Variants in USP3 observed in about 807,000 individuals in gnomAD.
The protein encoded by USP3 is ubiquitin carboxyl-terminal hydrolase 3.
USP3 carries 20 observed loss-of-function variants against 72.3 expected under a neutral mutation model. The ratio of observed to expected loss-of-function variants is 0.28; its 90% CI spans 0.19 to 0.40. USP3 has a LOEUF of 0.40. Among genes scored for constraint, USP3 ranks in the 10% least tolerant of loss-of-function variants. The pLI is 1.00. For synonymous variants in USP3, 222 were observed against 225.3 expected (o/e 0.99, Z 0.13); for missense variants, 479 against 633.9 (o/e 0.76, Z 2.62).
chr15:63,569,675 C>A (rs2066749254), intron 8 of USP3, among the ~76,000 whole-genome samples: 1 of 152,166 alleles, frequency 6.6e-6, no homozygotes. Flanking sequence ...ACTTCCCAGA[C>A]CTTCCACCTG....
At chr15:63,557,859 T>C (rs538018136) in intron 5 of USP3, among the ~76,000 whole-genome samples, 1 of 152,244 alleles carries the variant, frequency 6.6e-6, no homozygotes, top group Non-Finnish European at 1.5e-5. Flanking sequence ...TTAATGGTGA[T>C]TTCCTCATAA....
rs1232006921 is a variant in USP3, at chr15:63,588,630, ATAG to A, written c.1216-66_1216-64del. ...AGCTAAAATGTTATTTACTGAACTG[ATAG>A]TAGTATCAAACTTTGACTGAAAGGT... On this transcript the variant is annotated intron_variant, in intron 12 of 14. Coordinates refer to ENST00000380324, the MANE Select transcript of USP3 (RefSeq NM_006537.4). The surrounding 1 kb of genome is among the most constrained non-coding windows in gnomAD (Gnocchi z 4.6). 87 of 1,152,980 alleles carry A rather than the reference ATAG, an allele frequency of 7.5e-5. 1 individual carries two copies. In the East Asian group the frequency reaches 1.9e-3, roughly 25 times the overall value. 71.4% of individuals were successfully genotyped at this position (1,152,980 alleles called of 1,614,324 possible).
chr15:63,538,766 T>C (rs2066198351), intron 3 of USP3, among the ~76,000 whole-genome samples: 1 of 152,038 alleles, frequency 6.6e-6, no homozygotes, highest in African/African-American at 2.4e-5. Context: ...CAGGATGGTC[T>C]CAATCTCTTG....
chr15:63,523,602 C>G, intron 1 of USP3, among the ~76,000 whole-genome samples: 1 of 152,164 alleles, frequency 6.6e-6, no homozygotes, highest in Non-Finnish European at 1.5e-5. Flanking sequence ...CAATGTGGAG[C>G]AGAGTTTCCT....
At chr15:63,520,743 T>C (rs1221485526) in intron 1 of USP3, among the ~76,000 whole-genome samples, 1 of 151,988 alleles carries the variant, frequency 6.6e-6, no homozygotes, top group African/African-American at 2.4e-5. Flanking sequence ...TTTGTATTTT[T>C]AGTAGAGACA....
chr15:63,519,001 A>G (rs2065885555), intron 1 of USP3, among the ~76,000 whole-genome samples: 1 of 152,132 alleles, frequency 6.6e-6, no homozygotes. Flanking sequence ...TCTTGACCTC[A>G]TGATCTGCCC....
Position 63,588,765 on chromosome 15 carries a change from T to C in USP3, c.1279T>C (p.Tyr427His), listed in dbSNP as rs746176822. The change falls in exon 13 of 15, where the codon TAC becomes CAC. Residue 427 changes from tyrosine to histidine, a missense_variant. Physicochemically the swap from Tyr to His is moderately conservative, Grantham distance 83. Coordinates refer to ENST00000380324, the MANE Select transcript of USP3 (RefSeq NM_006537.4). This position sits in a 1 kb window ranked among gnomAD's most constrained non-coding sequence, Gnocchi z 4.6. ...ATATTTAAGAAATAAAGTTGATACATACGTAGAATTTCCACTGAGAGGCCT... is the reference window on the plus strand; with the variant it reads ...ATATTTAAGAAATAAAGTTGATACACACGTAGAATTTCCACTGAGAGGCCT... ...TAYLRNKVDT[Y>H]VEFPLRGLDM... 1 of 1,614,236 alleles carries C rather than the reference T, an allele frequency of 6.2e-7. No individual in the cohort carries two copies. The highest frequency in any genetic ancestry group is 1.1e-5 in the South Asian group (1 of 91,090).
At chr15:63,520,438 A>G (rs1261313609) in intron 1 of USP3, among the ~76,000 whole-genome samples, 1 of 152,066 alleles carries the variant, frequency 6.6e-6, no homozygotes, top group East Asian at 1.9e-4. Context: ...TTGTCTGTAT[A>G]CTGAAAACAT....
At chr15:63,572,006 C>T (rs8028681) in intron 9 of USP3, among the ~76,000 whole-genome samples, 120,716 of 152,122 alleles carry the variant, frequency 0.79, 49,688 homozygotes, top group Non-Finnish European at 0.85. Flanking sequence ...AAGGTGAGGA[C>T]GGTGGTATGG....
intron 1 of USP3, among the ~76,000 whole-genome samples, chr15:63,505,592 C>T (rs1205773208): frequency 6.6e-6 from 1 of 152,194 alleles, no homozygotes; most frequent in Non-Finnish European, 1.5e-5. Context: ...TGTTGTGAAA[C>T]ACTTATTAGA....
At chr15:63,565,184 C>T (rs910563780) in intron 8 of USP3, among the ~76,000 whole-genome samples, 5 of 152,088 alleles carry the variant, frequency 3.3e-5, no homozygotes, top group Non-Finnish European at 5.9e-5. Flanking sequence ...GTAGAAACAT[C>T]TTTCATCTAT....
At chr15:63,572,981 T>C (rs1208934407) in intron 9 of USP3, among the ~76,000 whole-genome samples, 2 of 152,168 alleles carry the variant, frequency 1.3e-5, no homozygotes, top group African/African-American at 4.8e-5. Context: ...ATTGACTAGA[T>C]GGAAAGAATG....
chr15:63,580,660 A>AT (rs60776150), intron 11 of USP3, among the ~76,000 whole-genome samples: 1,469 of 112,802 alleles, frequency 0.013, 104 homozygotes, highest in South Asian at 0.042. Flanking sequence ...ATGAATATAT[A>AT]ATATATATAT....
chr15:63,531,700 T>C (rs1415045626), intron 1 of USP3, among the ~76,000 whole-genome samples: 5 of 152,168 alleles, frequency 3.3e-5, no homozygotes. Context: ...ATTTAAACTT[T>C]CTCTTCCACA....
chr15:63,543,392 A>G (rs1377379411), intron 3 of USP3, among the ~76,000 whole-genome samples: 2 of 152,178 alleles, frequency 1.3e-5, no homozygotes, highest in African/African-American at 2.4e-5. Flanking sequence ...GGTCTCCAAA[A>G]TAATGTACTG....
intron 3 of USP3, among the ~76,000 whole-genome samples, chr15:63,538,480 A>T (rs562900491): frequency 6.6e-6 from 1 of 152,100 alleles, no homozygotes; most frequent in South Asian, 2.1e-4. Flanking sequence ...TCCTTAGTCG[A>T]TAATTGTATG....
At chr15:63,552,210 A>G (rs1447862074) in intron 3 of USP3, among the ~76,000 whole-genome samples, 3 of 152,204 alleles carry the variant, frequency 2.0e-5, no homozygotes, top group Non-Finnish European at 4.4e-5. Flanking sequence ...AATTTATGCA[A>G]ACATAAAATA....
Position 63,588,690 on chromosome 15 carries a change from T to G in USP3, c.1216-12T>G, listed in dbSNP as rs754053956. 4.4e-6 allele frequency: 7 copies of G among 1,593,534 alleles called. No homozygotes were observed. Among genetic ancestry groups the G allele is most frequent in the Non-Finnish European group, 6.0e-6 (7 of 1,162,494 alleles). On this transcript the variant is annotated splice_polypyrimidine_tract_variant and intron_variant, in intron 12 of 14. Coordinates refer to ENST00000380324, the MANE Select transcript of USP3 (RefSeq NM_006537.4). This position sits in a 1 kb window ranked among gnomAD's most constrained non-coding sequence, Gnocchi z 4.6. ...GGTGTTCACAATCTTTGACCGCATC[T>G]CTGTCCTCCAGGTGCTATGCTTACA... is the stretch of plus-strand genomic sequence containing the variant.
At chr15:63,538,644 C>G (rs1010147050) in intron 3 of USP3, among the ~76,000 whole-genome samples, 3 of 150,970 alleles carry the variant, frequency 2.0e-5, no homozygotes, top group Admixed American at 2.0e-4. Flanking sequence ...CTCCTGGGTT[C>G]AAGCCATTCT....
Sources: allele counts gnomAD v4.1 joint callset (sites outside exome capture counted in the v4.1 genomes callset), GRCh38; gene constraint gnomAD v4.1.1; non-coding constraint Gnocchi (gnomAD v3.1); transcripts MANE v1.5; gene names NCBI Gene and HGNC (gene_info 2026-07-23, HGNC 2026-07-21).